The following ARPC4 variants were observed in gnomAD, a reference collection of about 807,000 sequenced individuals.
ARPC4 encodes actin related protein 2/3 complex subunit 4.
A neutral mutation model predicts 22.8 loss-of-function variants in ARPC4; 3 were observed. The observed-to-expected ratio is 0.13, with a 90% CI of 0.06 to 0.34. The LOEUF is 0.34. Among genes scored for constraint, ARPC4 ranks in the 10% least tolerant of loss-of-function variants. The pLI is 1.00. For synonymous variants in ARPC4, 80 were observed against 72.5 expected (o/e 1.10, Z -0.52); for missense variants, 98 against 211.0 (o/e 0.46, Z 3.32).
At chr3:9,803,576 G>T (rs1477331000) in intron 4 of ARPC4, 1 of 608,502 alleles carries the variant, frequency 1.6e-6, no homozygotes, top group Non-Finnish European at 3.1e-6. Flanking sequence ...GACTCATTCT[G>T]AATGCAGAGC....
intron 2 of ARPC4, chr3:9,798,010 TTC>T (rs1167501966): frequency 2.0e-6 from 1 of 510,206 alleles, no homozygotes; most frequent in Non-Finnish European, 3.5e-6. Context: ...AAGGTATGAC[TTC>T]TCAGAGCAGG....
intron 1 of ARPC4, among the ~76,000 whole-genome samples, chr3:9,795,631 T>G (rs1329898073): frequency 6.6e-6 from 1 of 152,246 alleles, no homozygotes; most frequent in Non-Finnish European, 1.5e-5. Flanking sequence ...TGTCCTTTTG[T>G]GTTACTCTAA....
chr3:9,795,295 G>A (rs1423689803), intron 1 of ARPC4, among the ~76,000 whole-genome samples: 1 of 151,888 alleles, frequency 6.6e-6, no homozygotes, highest in Non-Finnish European at 1.5e-5. Flanking sequence ...CCCCTGGGAA[G>A]TTTTTTTTCA....
At chr3:9,802,565 C>T (rs796571406) in intron 4 of ARPC4, among the ~76,000 whole-genome samples, 174 of 151,292 alleles carry the variant, frequency 1.2e-3, no homozygotes, top group African/African-American at 4.0e-3. Flanking sequence ...TTAGTAGAGA[C>T]GGGGTTTCAC....
intron 1 of ARPC4, among the ~76,000 whole-genome samples, chr3:9,795,807 T>C (rs973796698): frequency 6.6e-6 from 1 of 152,152 alleles, no homozygotes; most frequent in African/African-American, 2.4e-5. Flanking sequence ...TACAAAGGCA[T>C]GAAGGAGGGC....
At chr3:9,804,234 G>C in intron 5 of ARPC4, 1 of 475,568 alleles carries the variant, frequency 2.1e-6, no homozygotes, top group Non-Finnish European at 3.7e-6. Context: ...GGGTGTCTGG[G>C]GTGGCTCTTA....
At chr3:9,803,398 G>T in intron 4 of ARPC4, 1 of 420,786 alleles carries the variant, frequency 2.4e-6, no homozygotes, top group Admixed American at 2.6e-5. Flanking sequence ...CCTGGTCCTA[G>T]ATCTAACCTC....
At chr3:9,792,909 C>T (rs1264598427), upstream of ARPC4, 9 of 1,398,812 alleles carry the variant, frequency 6.4e-6, no homozygotes, top group African/African-American at 6.0e-5. Flanking sequence ...AATAGTGACT[C>T]GAGTGCAAGA....
At chr3:9,795,279 C>T (rs1018797578) in intron 1 of ARPC4, among the ~76,000 whole-genome samples, 2 of 152,150 alleles carry the variant, frequency 1.3e-5, no homozygotes, top group South Asian at 4.1e-4. Flanking sequence ...GGATTACAGG[C>T]GTGAGCCCCT....
intron 1 of ARPC4, among the ~76,000 whole-genome samples, chr3:9,796,544 C>G (rs1044985260): frequency 8.1e-4 from 123 of 152,092 alleles, no homozygotes; most frequent in African/African-American, 2.8e-3. Context: ...GGAGAAAAGC[C>G]TACAGATAGA....
chr3:9,801,377 T>G (rs538985289), intron 3 of ARPC4, among the ~76,000 whole-genome samples: 1 of 151,746 alleles, frequency 6.6e-6, no homozygotes, highest in South Asian at 2.1e-4. Context: ...ACTAGTGAAA[T>G]GAGAATGGAA....
intron 1 of ARPC4, among the ~76,000 whole-genome samples, chr3:9,796,168 C>T (rs144271485): frequency 3.9e-5 from 6 of 152,088 alleles, no homozygotes; most frequent in African/African-American, 9.6e-5. Context: ...CCGAGGTGGG[C>T]GGATTGCCTG....
At chr3:9,797,181 C>T (rs888149059) in intron 1 of ARPC4, among the ~76,000 whole-genome samples, 3 of 152,146 alleles carry the variant, frequency 2.0e-5, no homozygotes, top group Non-Finnish European at 2.9e-5. Context: ...AAACAGTACA[C>T]CTATACATTT....
At chr3:9,796,896 G>A (rs552002342) in intron 1 of ARPC4, among the ~76,000 whole-genome samples, 13 of 143,572 alleles carry the variant, frequency 9.1e-5, no homozygotes, top group Admixed American at 8.6e-4. Flanking sequence ...AGCCGAGATC[G>A]TGCCACCGCG....
At chr3:9,804,554 G>A (rs2125651012) in intron 5 of ARPC4, among the ~76,000 whole-genome samples, 1 of 152,324 alleles carries the variant, frequency 6.6e-6, no homozygotes, top group East Asian at 1.9e-4. Context: ...CATCTGAAGA[G>A]GTAGAATTGT....
In ARPC4 at chr3:9,806,450, G is replaced by T; in HGVS notation, c.*235G>T. ...TTCTGATGTTCAGTCCCCTGGGCCG[G>T]GACAGATTTTTTTTAACGTCTTGAA... On this transcript the variant is annotated 3_prime_UTR_variant, in exon 6 of 6. Transcript: ENST00000397261. 1.7e-6 allele frequency: 1 copy of T among 591,244 alleles called. No individual in the cohort carries two copies. 36.6% of individuals were successfully genotyped at this position (591,244 alleles called of 1,614,324 possible). A position where few individuals can be genotyped will look rare whatever the true frequency, so the allele number is the denominator to read the frequency against.
chr3:9,799,399 A>T (rs944122946), intron 2 of ARPC4, among the ~76,000 whole-genome samples: 1 of 151,938 alleles, frequency 6.6e-6, no homozygotes, highest in Non-Finnish European at 1.5e-5. Context: ...AAATGCTCCA[A>T]TGAGGATCTC....
chr3:9,803,869 C>G lies in ARPC4; in HGVS notation c.357C>G (p.Thr119=). ...VEGYDISFLI[T]NFHTEQMYKH... ...GGTATGATATCAGCTTTCTGATCAC[C>G]AACTTCCACACAGAGCAGATGTACA... is the stretch of plus-strand genomic sequence containing the variant. The change falls in exon 5 of 6, where the codon ACC becomes ACG. Residue 119 remains threonine, a synonymous_variant. Coordinates refer to ENST00000397261, the MANE Select transcript of ARPC4 (RefSeq NM_005718.5). 1 of 1,614,140 alleles carries G rather than the reference C, an allele frequency of 6.2e-7. No homozygotes were observed. Among genetic ancestry groups the G allele is most frequent in the Non-Finnish European group, 8.5e-7 (1 of 1,179,994 alleles).
intron 1 of ARPC4, among the ~76,000 whole-genome samples, chr3:9,796,810 G>A (rs977053400): frequency 2.6e-5 from 4 of 151,796 alleles, no homozygotes; most frequent in African/African-American, 4.8e-5. Flanking sequence ...GTGTGGTGGT[G>A]GGCGCCTGTA....
Sources: allele counts gnomAD v4.1 joint callset (sites outside exome capture counted in the v4.1 genomes callset), GRCh38; gene constraint gnomAD v4.1.1; transcripts MANE v1.5; gene names NCBI Gene and HGNC (gene_info 2026-07-23, HGNC 2026-07-21).